The following NTRK2 variants were observed in gnomAD, a reference collection of about 807,000 sequenced individuals.
NTRK2 encodes the protein BDNF/NT-3 growth factors receptor.
A neutral mutation model predicts 94.5 loss-of-function variants in NTRK2; 13 were observed. That is an observed-to-expected ratio of 0.14 (90% CI 0.09 to 0.22). The LOEUF is 0.22. Among genes scored for constraint, NTRK2 ranks in the 10% least tolerant of loss-of-function variants. The pLI, the probability that NTRK2 is intolerant of heterozygous loss-of-function variation, is 1.00. For missense variants in NTRK2, 639 were observed against 1,071.2 expected (o/e 0.60, Z 5.63); for synonymous variants, 372 against 407.4 (o/e 0.91, Z 1.05).
intron 12 of NTRK2, among the ~76,000 whole-genome samples, chr9:84,835,459 C>T (rs2073815939): frequency 6.6e-6 from 1 of 152,020 alleles, no homozygotes; most frequent in Non-Finnish European, 1.5e-5. Flanking sequence ...AAGGATGTGT[C>T]TATCAAGTGC....
At chr9:84,866,580 A>C (rs1420582005) in intron 13 of NTRK2, among the ~76,000 whole-genome samples, 2 of 152,176 alleles carry the variant, frequency 1.3e-5, no homozygotes, top group East Asian at 3.9e-4. Context: ...GTATTATCTT[A>C]CAGGAGAAGG....
chr9:84,909,523 G>A (rs2077175429), intron 14 of NTRK2, among the ~76,000 whole-genome samples: 1 of 151,876 alleles, frequency 6.6e-6, no homozygotes, highest in South Asian at 2.1e-4. Context: ...TTTCCAGAAT[G>A]ACTGTACCCT....
At chr9:84,948,869 C>T (rs903592568) in intron 16 of NTRK2, among the ~76,000 whole-genome samples, 4 of 152,134 alleles carry the variant, frequency 2.6e-5, no homozygotes, top group African/African-American at 9.7e-5. Context: ...CAATTCAGTC[C>T]GCATTCACTG....
chr9:84,926,161 C>CTTTCTTTCTTTCTTT (rs2077782785), intron 14 of NTRK2, among the ~76,000 whole-genome samples: 3 of 63,866 alleles, frequency 4.7e-5, no homozygotes, highest in African/African-American at 5.7e-5. Context: ...TTCCTTCCTT[C>CTTTCTTTCTTTCTTT]CTTCCTTCCT....
At chr9:84,915,348 G>A (rs781495225) in intron 14 of NTRK2, among the ~76,000 whole-genome samples, 14 of 152,314 alleles carry the variant, frequency 9.2e-5, no homozygotes, top group Admixed American at 3.3e-4. Flanking sequence ...TTTGGACTGT[G>A]GGGATGCGGC....
chr9:84,875,506 A>T (rs2076029229), intron 14 of NTRK2: 1 of 1,063,306 alleles, frequency 9.4e-7, no homozygotes, highest in Admixed American at 5.4e-5. Context: ...GCTCAACTGA[A>T]GCAGATGATC....
At chr9:84,772,909 G>A (rs985389779) in intron 12 of NTRK2, among the ~76,000 whole-genome samples, 2 of 152,202 alleles carry the variant, frequency 1.3e-5, no homozygotes, top group Non-Finnish European at 2.9e-5. Context: ...GGGTCAAGGT[G>A]CAGAAGGCCT....
At chr9:84,932,958 T>G (rs1307608552) in intron 14 of NTRK2, among the ~76,000 whole-genome samples, 1 of 152,220 alleles carries the variant, frequency 6.6e-6, no homozygotes, top group Admixed American at 6.5e-5. Flanking sequence ...AGAAAACACA[T>G]GAACTCTGGA....
At chr9:84,912,752 C>T (rs532085966) in intron 14 of NTRK2, among the ~76,000 whole-genome samples, 45 of 151,230 alleles carry the variant, frequency 3.0e-4, no homozygotes, top group Middle Eastern at 3.4e-3. Context: ...CAAGTAGCTG[C>T]GACTACAGGC....
chr9:84,966,906 T>A (rs1825619970), intron 17 of NTRK2, among the ~76,000 whole-genome samples: 1 of 152,168 alleles, frequency 6.6e-6, no homozygotes, highest in Admixed American at 6.5e-5. Flanking sequence ...GACCCTTGAC[T>A]TTCCTGAGAG....
At chr9:84,860,117 C>A (rs2075261352) in intron 12 of NTRK2, among the ~76,000 whole-genome samples, 1 of 152,154 alleles carries the variant, frequency 6.6e-6, no homozygotes, top group Non-Finnish European at 1.5e-5. Flanking sequence ...GTTTAGCTAG[C>A]TAATTATCCA....
chr9:84,758,497 T>C (rs1372032885), intron 12 of NTRK2, among the ~76,000 whole-genome samples: 1 of 152,134 alleles, frequency 6.6e-6, no homozygotes, highest in Non-Finnish European at 1.5e-5. Context: ...CTTCAAGTGA[T>C]TCTCCTGTCT....
chr9:84,990,524 G>A (rs1828924647), intron 17 of NTRK2, among the ~76,000 whole-genome samples: 1 of 152,148 alleles, frequency 6.6e-6, no homozygotes, highest in Non-Finnish European at 1.5e-5. Flanking sequence ...TCTAGCCCTG[G>A]CTTGTTTCTG....
rs568460760 is a variant in NTRK2 at position 84,853,055 on chromosome 9, A to T, written c.1397-7985A>T. On this transcript the variant is annotated intron_variant, in intron 12 of 18. Transcript: ENST00000277120. ...TTAAGATGAGGATATAGTGGCCCCA[A>T]AGCCTCTGAGTATTATTTAGCAGGA... Among the ~76,000 whole-genome samples, 51 of 152,176 alleles carry T rather than the reference A, an allele frequency of 3.4e-4. 1 individual carries two copies. The highest frequency in any genetic ancestry group is 1.2e-3 in the African/African-American group (50 of 41,514).
At chr9:84,918,088 T>C (rs1054414918) in intron 14 of NTRK2, among the ~76,000 whole-genome samples, 3 of 152,248 alleles carry the variant, frequency 2.0e-5, no homozygotes, top group South Asian at 2.1e-4. Flanking sequence ...GCTGTAGCTA[T>C]GTTCAAATAC....
chr9:84,708,591 A>G (rs1442363260), intron 5 of NTRK2, among the ~76,000 whole-genome samples: 1 of 152,200 alleles, frequency 6.6e-6, no homozygotes, highest in African/African-American at 2.4e-5. Flanking sequence ...TCTTATGGTA[A>G]GGCACCTCAA....
intron 14 of NTRK2, chr9:84,875,166 T>A: frequency 9.4e-7 from 1 of 1,059,194 alleles, no homozygotes; most frequent in Non-Finnish European, 1.1e-6. Context: ...TATGTGTCCT[T>A]GCATTTGTTT....
rs116818926 is a variant in NTRK2, at chr9:84,883,163, A to G, written c.1633+15732A>G. ...GTGAGGCCAAATAATCTGCATTGTT[A>G]AAAAGTCCCCAGACGATTAGGATAA... is the stretch of plus-strand genomic sequence containing the variant. On this transcript the variant is annotated intron_variant, in intron 14 of 18. Transcript: ENST00000277120. 8.0e-3 allele frequency among the ~76,000 whole-genome samples: 1,218 copies of G among 152,310 alleles called. 24 individuals are homozygous for G. Among genetic ancestry groups the G allele is most frequent in the African/African-American group, 0.028 (1,155 of 41,556 alleles).
chr9:84,888,982 A>ATTTTTTTTTTTTTTTTTTTTTTTTTTTTT lies in NTRK2; in HGVS notation c.1633+21577_1633+21578insTTTTTTTTTTTTTTTTTTTTTTTTTTTTT, dbSNP rs71369159. Among the ~76,000 whole-genome samples, 18 of 101,708 alleles carry ATTTTTTTTTTTTTTTTTTTTTTTTTTTTT rather than the reference A, an allele frequency of 1.8e-4. 5 individuals are homozygous for ATTTTTTTTTTTTTTTTTTTTTTTTTTTTT. Among genetic ancestry groups the ATTTTTTTTTTTTTTTTTTTTTTTTTTTTT allele is most frequent in the East Asian group, 8.6e-4 (3 of 3,492 alleles). 66.7% of individuals were successfully genotyped at this position (101,708 alleles called of 152,430 possible). ...TCCCCATTATTTATTAATGACAGAA[A>ATTTTTTTTTTTTTTTTTTTTTTTTTTTTT]TTTTTTTTTTTTTTTTTTTTTTTTT... On this transcript the variant is annotated intron_variant, in intron 14 of 18. Coordinates refer to ENST00000277120, the MANE Select transcript of NTRK2 (RefSeq NM_006180.6).
Sources: gnomAD v4.1 joint callset for allele counts (sites outside exome capture counted in the v4.1 genomes callset) on GRCh38, gnomAD v4.1.1 for gene constraint, MANE v1.5 for transcripts, NCBI Gene and HGNC (gene_info 2026-07-23, HGNC 2026-07-21) for gene names.